ITPRID2: variants seen among roughly 807,000 people sequenced by gnomAD.
ITPRID2 encodes protein ITPRID2.
ITPRID2 carries 60 observed loss-of-function variants against 124.3 expected under a neutral mutation model. The ratio of observed to expected loss-of-function variants is 0.48; its 90% CI spans 0.39 to 0.60. The LOEUF (loss-of-function observed/expected upper bound fraction) is 0.60, where lower values mean the gene tolerates loss of function less well. Ranked by LOEUF, ITPRID2 falls within the 20% of genes least tolerant of loss-of-function variation. ITPRID2 has a pLI of 0.00. For synonymous variants in ITPRID2, 521 were observed against 542.9 expected, an observed-to-expected ratio of 0.96 and a Z score of 0.56; for missense variants, 1,553 against 1,512.2, an observed-to-expected ratio of 1.03 and a Z score of -0.45.
intron 8 of ITPRID2, among the ~76,000 whole-genome samples, chr2:181,909,382 G>A (rs1034558803): frequency 2.6e-5 from 4 of 152,186 alleles, no homozygotes; most frequent in African/African-American, 9.7e-5. Flanking sequence ...CCTCAACTGT[G>A]TGTTGGTCAT....
At position 181,919,440 on chromosome 2, in the gene ITPRID2, A is replaced by C. The variant is rs1239219312; in HGVS notation, c.3138A>C (p.Ala1046=). Residue 1046 remains alanine (A), a synonymous_variant, in exon 14 of 18, where the codon GCA becomes GCC. Transcript: ENST00000431877. The surrounding 1 kb of genome is among the most constrained non-coding windows in gnomAD (Gnocchi z 4.2). ...VRMPSPFRSS[A]LMGMCGSRSA... is the part of the protein sequence containing the mutation. ...TGCCTTCACCCTTCCGCTCCTCCGC[A>C]CTCATGGTACGCTACCTGGAGGGTG... 6.3e-7 allele frequency: 1 copy of C among 1,583,272 alleles called. No individual in the cohort carries two copies. The highest frequency in any genetic ancestry group is 1.1e-5 in the South Asian group (1 of 87,304).
chr2:181,892,347 C>A lies in ITPRID2; in HGVS notation c.211+70C>A. ...GGAGAGTCTCGTGCGCCCTGGGCGC[C>A]TGCCACGAGTTCTGGGAGAGCCTCG... On this transcript the variant is annotated intron_variant, in intron 1 of 17. Coordinates refer to ENST00000431877, the MANE Select transcript of ITPRID2 (RefSeq NM_001130445.3). This position sits in a 1 kb window ranked among gnomAD's most constrained non-coding sequence, Gnocchi z 5.2. 1.4e-6 allele frequency: 2 copies of A among 1,459,162 alleles called. No individual in the cohort carries two copies. Among genetic ancestry groups the A allele is most frequent in the Non-Finnish European group, 1.8e-6 (2 of 1,096,324 alleles). The allele number at this position is 1,459,162 out of a possible 1,614,324, so 90.4% of individuals were successfully genotyped here.
At chr2:181,895,327 C>T (rs898317169) in intron 2 of ITPRID2, among the ~76,000 whole-genome samples, 1 of 152,016 alleles carries the variant, frequency 6.6e-6, no homozygotes, top group African/African-American at 2.4e-5. Flanking sequence ...AGATATTTCT[C>T]TCATCTGTAT....
chr2:181,915,403 A>G lies in ITPRID2; in HGVS notation c.1763A>G (p.Lys588Arg), dbSNP rs777868218. 2.5e-6 allele frequency: 4 copies of G among 1,614,166 alleles called. No homozygotes were observed. In the Admixed American group the frequency reaches 6.7e-5, roughly 27 times the overall value. The change falls in exon 11 of 18, where the codon AAA becomes AGA. Residue 588 changes from lysine (K) to arginine (R), a missense_variant. Transcript: ENST00000431877. ...GAGAAGGCAGCAGCAGTTGCAGACAAAAGAAAATCAGGTAGCCAGGATTTC... is the reference window on the plus strand; with the variant it reads ...GAGAAGGCAGCAGCAGTTGCAGACAGAAGAAAATCAGGTAGCCAGGATTTC... ...GLEKAAAVAD[K>R]RKSGSQDFPQ...
rs1296615726 is a variant in ITPRID2 at position 181,907,462 on chromosome 2, A to G, written c.1414-2437A>G. Among the ~76,000 whole-genome samples, 1 of 128,196 alleles carries G rather than the reference A, an allele frequency of 7.8e-6. No homozygotes were observed. Among genetic ancestry groups the G allele is most frequent in the Non-Finnish European group, 1.7e-5 (1 of 59,764 alleles). 84.1% of individuals were successfully genotyped at this position (128,196 alleles called of 152,430 possible). A position where few individuals can be genotyped will look rare whatever the true frequency, so the allele number is the denominator to read the frequency against. The stretch of plus-strand genomic sequence containing the variant: ...GGTTTAGTGGTTTTTTTTTTTTTTT[A>G]TATTATGAAACAGTTTTGTTATGAA... On this transcript the variant is annotated intron_variant, in intron 8 of 17. Coordinates refer to ENST00000431877, the MANE Select transcript of ITPRID2 (RefSeq NM_001130445.3). This position sits in a 1 kb window ranked among gnomAD's most constrained non-coding sequence, Gnocchi z 5.1.
Position 181,901,805 on chromosome 2 carries a change from A to G in ITPRID2, c.752A>G (p.Asn251Ser), listed in dbSNP as rs780258148. The change falls in exon 8 of 18, where the codon AAT (asparagine) becomes AGT (serine). Residue 251 changes from asparagine to serine, a missense_variant. By Grantham distance (46) the Asn-to-Ser change is conservative. Transcript: ENST00000431877. ...RQIEVLTTVA[N>S]AFSSLYSQVS... ...ATTGAAGTGCTTACTACTGTGGCCA[A>G]TGCGTTTTCTTCTTTATATTCTCAA... is the stretch of plus-strand genomic sequence containing the variant. 11 of 1,613,294 alleles carry G rather than the reference A, an allele frequency of 6.8e-6. No individual in the cohort carries two copies. Among genetic ancestry groups the G allele is most frequent in the African/African-American group, 1.3e-5 (1 of 74,878 alleles).
chr2:181,899,474 AT>A (rs778718189), intron 6 of ITPRID2, among the ~76,000 whole-genome samples: 2 of 152,112 alleles, frequency 1.3e-5, no homozygotes, highest in African/African-American at 2.4e-5. Context: ...ATCAGAATAA[AT>A]TTTTCTAAGT....
Position 181,892,292 on chromosome 2 carries a change from C to T in ITPRID2, c.211+15C>T, listed in dbSNP as rs1319137373. 2 of 1,537,814 alleles carry T rather than the reference C, an allele frequency of 1.3e-6. No homozygotes were observed. The highest frequency in any genetic ancestry group is 2.0e-4 in the Middle Eastern group (1 of 4,914). On this transcript the variant is annotated intron_variant, in intron 1 of 17. Transcript: ENST00000431877. The surrounding 1 kb of genome is among the most constrained non-coding windows in gnomAD (Gnocchi z 5.2). ...GGGGGGAAGAGGTCGGTGCTCCCGGCCGGGCTCCGGGGGGAGGCTGGTGGG... is the reference window on the plus strand; with the variant it reads ...GGGGGGAAGAGGTCGGTGCTCCCGGTCGGGCTCCGGGGGGAGGCTGGTGGG...
intron 9 of ITPRID2, 75 bp from the exon 10 acceptor site, chr2:181,913,770 C>T (rs1488921590): frequency 2.1e-5 from 21 of 987,442 alleles, no homozygotes; most frequent in Non-Finnish European, 3.0e-5. Context: ...TAATATTGCT[C>T]TCAGTAATTT....
intron 16 of ITPRID2, among the ~76,000 whole-genome samples, chr2:181,922,751 C>T (rs899601386): frequency 1.3e-5 from 2 of 151,944 alleles, no homozygotes; most frequent in East Asian, 1.9e-4. Context: ...TAGATCTCTT[C>T]GAGGATTAAA....
rs993197099 is a variant in ITPRID2 at position 181,896,293 on chromosome 2, A to T, written c.307+214A>T. 6.6e-6 allele frequency among the ~76,000 whole-genome samples: 1 copy of T among 152,042 alleles called. No individual in the cohort carries two copies. Among genetic ancestry groups the T allele is most frequent in the Admixed American group, 6.6e-5 (1 of 15,256 alleles). On this transcript the variant is annotated intron_variant, in intron 3 of 17. Coordinates refer to ENST00000431877, the MANE Select transcript of ITPRID2 (RefSeq NM_001130445.3). The surrounding 1 kb of genome is among the most constrained non-coding windows in gnomAD (Gnocchi z 4.3). Reference sequence around the variant, plus strand: ...CTAGCCTTTTCACAACGTGAAACTTATATCTTTATTGTCCAGTTAGGTATT... The same window carrying T: ...CTAGCCTTTTCACAACGTGAAACTTTTATCTTTATTGTCCAGTTAGGTATT...
At chr2:181,912,758 A>G (rs768192123) in intron 9 of ITPRID2, among the ~76,000 whole-genome samples, 24 of 152,140 alleles carry the variant, frequency 1.6e-4, no homozygotes, top group Non-Finnish European at 2.9e-4. Flanking sequence ...CCATTGTGGT[A>G]GTTGTAGTGT....
rs1179576591 is a variant in ITPRID2 at position 181,907,182 on chromosome 2, C to A, written c.1414-2717C>A. Among the ~76,000 whole-genome samples, 1 of 152,084 alleles carries A rather than the reference C, an allele frequency of 6.6e-6. No individual in the cohort carries two copies. The highest frequency in any genetic ancestry group is 1.5e-5 in the Non-Finnish European group (1 of 68,000). On this transcript the variant is annotated intron_variant, in intron 8 of 17. Coordinates refer to ENST00000431877, the MANE Select transcript of ITPRID2 (RefSeq NM_001130445.3). This position sits in a 1 kb window ranked among gnomAD's most constrained non-coding sequence, Gnocchi z 5.1. ...TACAGTAGTATTGTGCCTAGAAGAT[C>A]CCTCTTAGTCAAGGTAAACATGACA...
At position 181,892,352 on chromosome 2, in the gene ITPRID2, A is replaced by T; in HGVS notation, c.211+75A>T. 6.9e-7 allele frequency: 1 copy of T among 1,453,418 alleles called. No homozygotes were observed. 90.0% of individuals were successfully genotyped at this position (1,453,418 alleles called of 1,614,324 possible). On this transcript the variant is annotated intron_variant, in intron 1 of 17. Coordinates refer to ENST00000431877, the MANE Select transcript of ITPRID2 (RefSeq NM_001130445.3). The surrounding 1 kb of genome is among the most constrained non-coding windows in gnomAD (Gnocchi z 5.2). Reference sequence around the variant, plus strand: ...GTCTCGTGCGCCCTGGGCGCCTGCCACGAGTTCTGGGAGAGCCTCGGGCAC... The same window carrying T: ...GTCTCGTGCGCCCTGGGCGCCTGCCTCGAGTTCTGGGAGAGCCTCGGGCAC...
intron 9 of ITPRID2, 84 bp from the exon 10 acceptor site, chr2:181,913,755 TGTAGTA>T: frequency 1.2e-6 from 1 of 816,030 alleles, no homozygotes; most frequent in South Asian, 1.8e-5. Flanking sequence ...ATCATATCTC[TGTAGTA>T]ATATTGCTCT....
Position 181,919,818 on chromosome 2 carries a change from T to C in ITPRID2, c.3144+372T>C, listed in dbSNP as rs113687831. On this transcript the variant is annotated intron_variant, in intron 14 of 17. Transcript: ENST00000431877. This position sits in a 1 kb window ranked among gnomAD's most constrained non-coding sequence, Gnocchi z 4.2. ...GCATATTTTGCTGTTTTTTTTTCTT[T>C]CATGCCTTTAAATAAAAAAGTGTTC... is the stretch of plus-strand genomic sequence containing the variant. Among the ~76,000 whole-genome samples, 2,705 of 152,206 alleles carry C rather than the reference T, an allele frequency of 0.018. 74 individuals carry two copies. Among genetic ancestry groups the C allele is most frequent in the African/African-American group, 0.061 (2,535 of 41,544 alleles).
chr2:181,892,289 C>G lies in ITPRID2; in HGVS notation c.211+12C>G, dbSNP rs1015733151. The G allele has an allele frequency of 2.6e-6, 4 of 1,540,190 alleles. No homozygotes were observed. Among genetic ancestry groups the G allele is most frequent in the Non-Finnish European group, 1.8e-6 (2 of 1,142,382 alleles). On this transcript the variant is annotated intron_variant, in intron 1 of 17. Transcript: ENST00000431877. The surrounding 1 kb of genome is among the most constrained non-coding windows in gnomAD (Gnocchi z 5.2). ...AGCGGGGGGAAGAGGTCGGTGCTCC[C>G]GGCCGGGCTCCGGGGGGAGGCTGGT...
chr2:181,924,303 C>T (rs1428411958), intron 16 of ITPRID2, among the ~76,000 whole-genome samples: 3 of 152,126 alleles, frequency 2.0e-5, no homozygotes, highest in Non-Finnish European at 4.4e-5. Context: ...TTAATATTCT[C>T]TTAGTTACAA....
rs576242803 is a variant in ITPRID2, at chr2:181,901,474, A to G, written c.713-292A>G. On this transcript the variant is annotated intron_variant, in intron 7 of 17. Transcript: ENST00000431877. ...TTCAAGACTTCAGAATAGAATCACA[A>G]CTGTAGATTCAATAGCTAGTTCTTT... Among the ~76,000 whole-genome samples, 3 of 152,298 alleles carry G rather than the reference A, an allele frequency of 2.0e-5. No individual in the cohort carries two copies. The South Asian group carries it at 6.2e-4, about 32-fold the overall frequency.
Sources: gnomAD v4.1 joint callset for allele counts (sites outside exome capture counted in the v4.1 genomes callset) on GRCh38, gnomAD v4.1.1 for gene constraint, Gnocchi (gnomAD v3.1) non-coding constraint, MANE v1.5 for transcripts, NCBI Gene and HGNC (gene_info 2026-07-23, HGNC 2026-07-21) for gene names.